TTN: variants seen among roughly 807,000 people sequenced by gnomAD.
TTN encodes the protein titin, also known as connectin.
Under a neutral mutation model 3,223.0 loss-of-function variants are expected in TTN, and 1,525 were observed. The ratio of observed to expected loss-of-function variants is 0.47; its 90% CI spans 0.45 to 0.49. The LOEUF (loss-of-function observed/expected upper bound fraction) is 0.49, where lower values mean the gene tolerates loss of function less well. Among genes scored for constraint, TTN ranks in the 20% least tolerant of loss-of-function variants. The probability of loss-of-function intolerance (pLI) is 0.00; values close to 1 mark genes in which losing one functional copy is unlikely to be tolerated. For missense variants in TTN, 40,786 were observed against 43,424.0 expected (o/e 0.94, Z 5.40); for synonymous variants, 14,094 against 15,161.0 (o/e 0.93, Z 5.17).
intron 43 of TTN, among the ~76,000 whole-genome samples, chr2:178,762,674 G>A (rs2089517413): frequency 1.3e-5 from 2 of 152,082 alleles, no homozygotes; most frequent in Admixed American, 6.6e-5. Flanking sequence ...GTATTATTGT[G>A]TTAGTAGGAT....
Position 178,634,413 on chromosome 2 carries a change from G to C in TTN, c.42368C>G (p.Thr14123Ser). 6.2e-7 allele frequency: 1 copy of C among 1,612,980 alleles called. No individual in the cohort carries two copies. The highest frequency in any genetic ancestry group is 8.5e-7 in the Non-Finnish European group (1 of 1,179,428). The part of the protein sequence containing the change: ...DSQFDDEGVY[T>S]AEVEGKKTSA... ...GGTCTTCTTGCCCTCCACCTCAGCA[G>C]TATAGACCCCTTCATCATCAAATTG... Residue 14123 changes from threonine (T) to serine (S), a missense_variant, in exon 230 of 363, where the codon ACT becomes AGT. Transcript: ENST00000589042. The surrounding 1 kb of genome is among the most constrained non-coding windows in gnomAD (Gnocchi z 4.6).
In TTN at chr2:178,536,222, A is replaced by G. The variant is rs1404850899; in HGVS notation, c.100525T>C (p.Tyr33509His). 1 of 1,613,366 alleles carries G rather than the reference A, an allele frequency of 6.2e-7. No individual in the cohort carries two copies. The highest frequency in any genetic ancestry group is 8.5e-7 in the Non-Finnish European group (1 of 1,179,546). The change falls in exon 357 of 363, where the codon TAT becomes CAT. Residue 33509 changes from tyrosine to histidine, a missense_variant. Tyr to His is a moderately conservative substitution (Grantham distance 83). Transcript: ENST00000589042. ...CAGACCAAGGTAGCATTGCTCTGAT[A>G]TCTGACATTTAGATTTCTCAGTTCC... is the stretch of plus-strand genomic sequence containing the variant. ...KEELRNLNVR[Y>H]QSNATLVCKV...
In TTN at chr2:178,701,562, G is replaced by A. The variant is rs1201220261; in HGVS notation, c.30564C>T (p.Ile10188=). Reference sequence around the variant, plus strand: ...GCACTGCTCTGATAGGCATGGTTGGGATTGGAACTCTGGAGTCAGGAATAT... The same window carrying A: ...GCACTGCTCTGATAGGCATGGTTGGAATTGGAACTCTGGAGTCAGGAATAT... ...PPDIPDSRVP[I]PTMPIRAVPP... is the part of the protein sequence containing the mutation. The change falls in exon 110 of 363, where the codon ATC becomes ATT. Residue 10188 remains isoleucine (I), a synonymous_variant. Coordinates refer to ENST00000589042, the MANE Select transcript of TTN (RefSeq NM_001267550.2). 6.2e-7 allele frequency: 1 copy of A among 1,613,712 alleles called. No individual in the cohort carries two copies. Among genetic ancestry groups the A allele is most frequent in the Non-Finnish European group, 8.5e-7 (1 of 1,179,718 alleles).
chr2:178,757,538 T>C lies in TTN; in HGVS notation c.10678+4A>G. On this transcript the variant is annotated splice_donor_region_variant and intron_variant, in intron 45 of 362. Transcript: ENST00000589042. Reference sequence around the variant, plus strand: ...CAAAGTCCTTGAAGCAAGATGGGCTTTACCTTTTGGAGTCACTGTGAGTGT... The same window carrying C: ...CAAAGTCCTTGAAGCAAGATGGGCTCTACCTTTTGGAGTCACTGTGAGTGT... The C allele has an allele frequency of 6.5e-7, 1 of 1,545,948 alleles. No individual in the cohort carries two copies. The highest frequency in any genetic ancestry group is 8.7e-7 in the Non-Finnish European group (1 of 1,144,856).
chr2:178,692,164 T>TTATGCTTTAATGTA, intron 120 of TTN, 65 bp from the exon 121 acceptor site: 1 of 1,409,746 alleles, frequency 7.1e-7, no homozygotes, highest in Non-Finnish European at 1.0e-6. Context: ...CATCTAAGAT[T>TTATGCTTTAATGTA]ACATTAAAGC....
At position 178,683,220 on chromosome 2, in the gene TTN, G is replaced by A. The variant is rs1257074359; in HGVS notation, c.32878C>T (p.Pro10960Ser). 6.5e-7 allele frequency: 1 copy of A among 1,550,012 alleles called. No homozygotes were observed. Among genetic ancestry groups the A allele is most frequent in the Non-Finnish European group, 8.7e-7 (1 of 1,143,868 alleles). The change falls in exon 134 of 363, where the codon CCC becomes TCC. Residue 10960 changes from proline (P) to serine (S), a missense_variant. Pro to Ser is a moderately conservative substitution (Grantham distance 74, BLOSUM62 -1). Transcript: ENST00000589042. ...TCAAAGTTCAATATACCTTTGATGG[G>A]TTGAGGTTCTCTTTTTGGAGCTTCA... Reference protein sequence around the residue: ...SIEAPKREPQPIKEVTIMEEK... With the variant: ...SIEAPKREPQSIKEVTIMEEK...
chr2:178,790,160 A>G, intron 11 of TTN, 45 bp from the exon 12 acceptor site: 2 of 1,586,920 alleles, frequency 1.3e-6, no homozygotes, highest in Non-Finnish European at 1.7e-6. Flanking sequence ...TAAATTCCAT[A>G]AATCTTTAAT....
In TTN at chr2:178,590,886, A is replaced by G. The variant is rs1172859699; in HGVS notation, c.60839T>C (p.Val20280Ala). 3 of 1,611,270 alleles carry G rather than the reference A, an allele frequency of 1.9e-6. No homozygotes were observed. The highest frequency in any genetic ancestry group is 1.7e-5 in the Admixed American group (1 of 59,924). The change falls in exon 304 of 363, where the codon GTT becomes GCT. Residue 20280 changes from valine (V) to alanine (A), a missense_variant. Val to Ala is a moderately conservative substitution (Grantham distance 64). Transcript: ENST00000589042. Reference protein sequence around the residue: ...SPPSPPGKPVVTDITENAATV... With the variant: ...SPPSPPGKPVATDITENAATV... ...TGCTGCATTTTCAGTAATGTCAGTAACCACTGGTTTACCAGGAGGAGACGG... is the reference window on the plus strand; with the variant it reads ...TGCTGCATTTTCAGTAATGTCAGTAGCCACTGGTTTACCAGGAGGAGACGG...
rs1452977324 is a variant in TTN at position 178,777,331 on chromosome 2, G to A, written c.4646-14C>T. 3 of 1,613,478 alleles carry A rather than the reference G, an allele frequency of 1.9e-6. No homozygotes were observed. The African/African-American group carries it at 4.0e-5, about 22-fold the overall frequency. ...GATGTTCCACAGCTGAAAGAGAAAG[G>A]TCATGATTTAGAGGGAGTAAGGCTG... On this transcript the variant is annotated splice_polypyrimidine_tract_variant and intron_variant, in intron 26 of 362. Coordinates refer to ENST00000589042, the MANE Select transcript of TTN (RefSeq NM_001267550.2).
intron 47 of TTN, chr2:178,752,078 A>C (rs146285885): frequency 1.3e-6 from 2 of 1,560,344 alleles, no homozygotes; most frequent in East Asian, 2.2e-5. Flanking sequence ...TTTTCCATAG[A>C]ACTTGAAAAA....
intron 243 of TTN, 146 bp downstream of exon 243, chr2:178,622,524 G>T (rs2058445586): frequency 3.2e-6 from 2 of 624,492 alleles, no homozygotes; most frequent in South Asian, 2.2e-5. Flanking sequence ...TTAAAGTCAA[G>T]AATACATTTT....
Position 178,604,859 on chromosome 2 carries a change from A to G in TTN, c.54230T>C (p.Ile18077Thr), listed in dbSNP as rs1261779331. 6.2e-7 allele frequency: 1 copy of G among 1,612,340 alleles called. No individual in the cohort carries two copies. Among genetic ancestry groups the G allele is most frequent in the East Asian group, 2.2e-5 (1 of 44,654 alleles). The change falls in exon 281 of 363, where the codon ATT becomes ACT. Residue 18077 changes from isoleucine (I) to threonine (T), a missense_variant. Transcript: ENST00000589042. The part of the protein sequence containing the change: ...SPPRNLAVTD[I>T]KAESCYLTWD... ...TGTCAAGTAGCAAGATTCAGCTTTA[A>G]TGTCAGTAACAGCAAGATTTCTTGG...
rs55948748 is a variant in TTN at position 178,583,666 on chromosome 2, G to A, written c.65516C>T (p.Ala21839Val). ...QYQFRAIART[A>V]VNISPPSEPS... is the part of the protein sequence containing the mutation. ...TTCAGAAGGTGGGCTAATGTTTACC[G>A]CGGTCCTGGCAATAGCTCTAAATTG... The change falls in exon 312 of 363, where the codon GCG becomes GTG. Residue 21839 changes from alanine (A) to valine (V), a missense_variant. Coordinates refer to ENST00000589042, the MANE Select transcript of TTN (RefSeq NM_001267550.2). 4,024 of 1,612,100 alleles carry A rather than the reference G, an allele frequency of 2.5e-3. 72 individuals carry two copies. The African/African-American group carries it at 0.043, about 17-fold the overall frequency.
intron 127 of TTN, among the ~76,000 whole-genome samples, chr2:178,686,918 C>T (rs1221763329): frequency 6.6e-6 from 1 of 152,192 alleles, no homozygotes; most frequent in Non-Finnish European, 1.5e-5. Flanking sequence ...GTTTTACAAA[C>T]ACTTTTAGAA....
chr2:178,581,855 G>A, intron 315 of TTN, 51 bp from the exon 316 acceptor site: 1 of 1,604,556 alleles, frequency 6.2e-7, no homozygotes, highest in Non-Finnish European at 8.5e-7. Context: ...CTTCCTGGGT[G>A]TTTAATGCTG....
Position 178,722,742 on chromosome 2 carries a change from T to C in TTN, c.22157A>G (p.Asn7386Ser). 1 of 1,613,268 alleles carries C rather than the reference T, an allele frequency of 6.2e-7. No homozygotes were observed. Among genetic ancestry groups the C allele is most frequent in the Non-Finnish European group, 8.5e-7 (1 of 1,179,502 alleles). Residue 7386 changes from asparagine to serine, a missense_variant, in exon 76 of 363, where the codon AAC (asparagine) becomes AGC (serine). Asn to Ser is a conservative substitution (Grantham distance 46). Coordinates refer to ENST00000589042, the MANE Select transcript of TTN (RefSeq NM_001267550.2). ...TGTGTACTCTCCACTGTCATTGATG[T>C]TCACTTTATTAAAAACAAGTGTGGC... Reference protein sequence around the residue: ...NVATLVFNKVNINDSGEYTCK... With the variant: ...NVATLVFNKVSINDSGEYTCK...
intron 49 of TTN, among the ~76,000 whole-genome samples, chr2:178,736,842 C>T (rs1027469880): frequency 6.6e-6 from 1 of 152,154 alleles, no homozygotes; most frequent in Admixed American, 6.5e-5. Context: ...GTTGGGTCAT[C>T]ATGGGCCTGG....
chr2:178,538,712 C>G lies in TTN; in HGVS notation c.99117G>C (p.Gln33039His). Residue 33039 changes from glutamine (Q) to histidine (H), a missense_variant, in exon 354 of 363, where the codon CAG becomes CAC. Coordinates refer to ENST00000589042, the MANE Select transcript of TTN (RefSeq NM_001267550.2). ...EILGYWVEYRQSGDSAWKKSN... is the reference protein window; with the variant it reads ...EILGYWVEYRHSGDSAWKKSN... The stretch of plus-strand genomic sequence containing the variant: ...TCTTCTTCCAGGCACTGTCTCCAGA[C>G]TGTCTATATTCAACCCAGTATCCAA... 1 of 1,613,788 alleles carries G rather than the reference C, an allele frequency of 6.2e-7. No homozygotes were observed. The highest frequency in any genetic ancestry group is 1.3e-5 in the African/African-American group (1 of 75,024).
chr2:178,771,096 G>T, intron 34 of TTN, 115 bp downstream of exon 34: 1 of 1,502,760 alleles, frequency 6.7e-7, no homozygotes, highest in Non-Finnish European at 9.1e-7. Context: ...GATCTAGAAT[G>T]ACTTTATGAA....
Sources: allele counts gnomAD v4.1 joint callset (sites outside exome capture counted in the v4.1 genomes callset), GRCh38; gene constraint gnomAD v4.1.1; non-coding constraint Gnocchi (gnomAD v3.1); transcripts MANE v1.5; gene names NCBI Gene and HGNC (gene_info 2026-07-23, HGNC 2026-07-21).